Variants in TRAK1 observed in about 807,000 individuals in gnomAD.
TRAK1 encodes trafficking kinesin protein 1.
Under a neutral mutation model 92.1 loss-of-function variants are expected in TRAK1, and 33 were observed. That is an observed-to-expected ratio of 0.36 (90% CI 0.27 to 0.48). The LOEUF (loss-of-function observed/expected upper bound fraction) is 0.48. Ranked by LOEUF, TRAK1 falls within the 20% of genes least tolerant of loss-of-function variation. The pLI, the probability that TRAK1 is intolerant of heterozygous loss-of-function variation, is 0.99. For missense variants in TRAK1, 1,123 were observed against 1,257.9 expected, an observed-to-expected ratio of 0.89 and a Z score of 1.62; for synonymous variants, 521 against 517.3, an observed-to-expected ratio of 1.01 and a Z score of -0.10.
At chr3:42,088,558 G>A (rs573843926), upstream of TRAK1, among the ~76,000 whole-genome samples, 11 of 152,260 alleles carry the variant, frequency 7.2e-5, no homozygotes, top group East Asian at 2.1e-3. Flanking sequence ...TCTCAGTCCC[G>A]TGTTTCCCGC....
chr3:42,051,448 C>A (rs1173831903), intron 1 of TRAK1: 1 of 152,276 alleles, frequency 6.6e-6, no homozygotes, highest in Non-Finnish European at 1.5e-5. Flanking sequence ...ATTCTATGCC[C>A]AAGAGAGGGA....
chr3:42,220,397 G>C (rs1015953326), intron 15 of TRAK1: 11 of 811,320 alleles, frequency 1.4e-5, no homozygotes, highest in Non-Finnish European at 1.6e-5. Flanking sequence ...CCCCTCAGCT[G>C]TTTCCTCTGT....
At chr3:42,115,875 T>A (rs1462660199) in intron 1 of TRAK1, among the ~76,000 whole-genome samples, 2 of 152,218 alleles carry the variant, frequency 1.3e-5, no homozygotes, top group Admixed American at 1.3e-4. Context: ...CTTCCATTTC[T>A]GCCACTGCTT....
At chr3:42,134,406 T>C (rs1329531931) in intron 2 of TRAK1, among the ~76,000 whole-genome samples, 3 of 150,376 alleles carry the variant, frequency 2.0e-5, no homozygotes, top group Non-Finnish European at 4.4e-5. Flanking sequence ...GCCTCCCGAG[T>C]AGCTGGGACT....
chr3:42,198,681 G>A lies in TRAK1; in HGVS notation c.1114-496G>A, dbSNP rs116671797. On this transcript the variant is annotated intron_variant, in intron 10 of 15. Coordinates refer to ENST00000327628, the MANE Select transcript of TRAK1 (RefSeq NM_001042646.3). Reference sequence around the variant, plus strand: ...AGTTGGAGGCCCTTGGTCTATTCTTGGTGTCAGAATCTTAGACACAGAGGG... The same window carrying A: ...AGTTGGAGGCCCTTGGTCTATTCTTAGTGTCAGAATCTTAGACACAGAGGG... Among the ~76,000 whole-genome samples the A allele has an allele frequency of 6.7e-3, 1,021 of 152,210 alleles. 6 individuals carry two copies. The highest frequency in any genetic ancestry group is 0.022 in the African/African-American group (897 of 41,526).
intron 2 of TRAK1, chr3:42,149,236 T>G: frequency 8.0e-7 from 1 of 1,248,562 alleles, no homozygotes. Context: ...GCTACTCCCA[T>G]TCAGGGCTGC....
chr3:42,200,066 G>A (rs1209583896), intron 11 of TRAK1, among the ~76,000 whole-genome samples: 1 of 152,188 alleles, frequency 6.6e-6, no homozygotes, highest in Non-Finnish European at 1.5e-5. Flanking sequence ...GCCCCAAGGT[G>A]TTTGTAAGGA....
intron 1 of TRAK1, among the ~76,000 whole-genome samples, chr3:42,067,496 G>C (rs1029236697): frequency 1.8e-4 from 28 of 152,258 alleles, no homozygotes; most frequent in African/African-American, 6.5e-4. Context: ...CTGTAGTTCA[G>C]TGCACATTGA....
intron 11 of TRAK1, 54 bp from the exon 12 acceptor site, chr3:42,200,764 C>T: frequency 6.3e-7 from 1 of 1,588,952 alleles, no homozygotes; most frequent in Non-Finnish European, 8.6e-7. Context: ...GAGGGTTAAA[C>T]TCCAGGGTTG....
At chr3:42,099,342 T>G (rs922690080) in intron 1 of TRAK1, among the ~76,000 whole-genome samples, 7 of 151,426 alleles carry the variant, frequency 4.6e-5, no homozygotes, top group Non-Finnish European at 8.8e-5. Context: ...TAAAGGCAAA[T>G]GGGAGGAAAT....
At chr3:42,099,796 C>G (rs1706476195) in intron 1 of TRAK1, among the ~76,000 whole-genome samples, 1 of 152,198 alleles carries the variant, frequency 6.6e-6, no homozygotes, top group Non-Finnish European at 1.5e-5. Flanking sequence ...TTGCCCAGTG[C>G]TATTTTAACT....
chr3:42,073,014 G>A (rs1417941716), intron 1 of TRAK1, among the ~76,000 whole-genome samples: 1 of 152,104 alleles, frequency 6.6e-6, no homozygotes, highest in African/African-American at 2.4e-5. Flanking sequence ...TGTGTTCGTG[G>A]GCCTGAGTGT....
intron 2 of TRAK1, among the ~76,000 whole-genome samples, chr3:42,165,240 G>C (rs4683333): frequency 0.52 from 78,875 of 151,858 alleles, 22,987 homozygotes; most frequent in East Asian, 0.95. Context: ...CCTTAGGGGT[G>C]GTTGCTAAGA....
intron 7 of TRAK1, 33 bp from the exon 8 acceptor site, chr3:42,193,042 C>T (rs768577378): frequency 6.2e-7 from 1 of 1,611,134 alleles, no homozygotes. Context: ...GGTTTTCTGA[C>T]TTCCTCTCCT....
At chr3:42,093,673 TCCCCTCCCCTCCCCTCCCCTC>T (rs1705462017) in intron 1 of TRAK1, among the ~76,000 whole-genome samples, 3 of 6,368 alleles carry the variant, frequency 4.7e-4, no homozygotes, top group Non-Finnish European at 4.1e-4. Context: ...TTCCCTCCCC[TCCCCTCCCCTCCCCTCCCCTC>T]CCCTCCCCTC....
chr3:42,136,634 A>AAT (rs1553729310), intron 2 of TRAK1, among the ~76,000 whole-genome samples: 1 of 148,948 alleles, frequency 6.7e-6, no homozygotes, highest in African/African-American at 2.5e-5. Flanking sequence ...ATACAAAAGA[A>AAT]AAATAAATAA....
chr3:42,066,915 T>C (rs1466998762), intron 1 of TRAK1, among the ~76,000 whole-genome samples: 1 of 152,222 alleles, frequency 6.6e-6, no homozygotes, highest in East Asian at 1.9e-4. Context: ...TCTGTGTCTT[T>C]GGTCCTTGAC....
At chr3:42,044,279 A>G (rs966828735) in intron 1 of TRAK1, among the ~76,000 whole-genome samples, 2 of 151,492 alleles carry the variant, frequency 1.3e-5, no homozygotes, top group Admixed American at 6.6e-5. Flanking sequence ...TCCCACCTCA[A>G]CCTCCCTAGT....
chr3:42,107,325 C>T (rs1707706311), intron 1 of TRAK1, among the ~76,000 whole-genome samples: 1 of 151,948 alleles, frequency 6.6e-6, no homozygotes, highest in Non-Finnish European at 1.5e-5. Context: ...ATCATCGTGG[C>T]CAACATGAGG....
Sources: allele counts gnomAD v4.1 joint callset (sites outside exome capture counted in the v4.1 genomes callset), GRCh38; gene constraint gnomAD v4.1.1; transcripts MANE v1.5; gene names NCBI Gene and HGNC (gene_info 2026-07-23, HGNC 2026-07-21).